The following ARHGAP35 variants were observed in gnomAD, a reference collection of about 807,000 sequenced individuals.
ARHGAP35 encodes the protein rho GTPase-activating protein 35.
In ARHGAP35, 15 loss-of-function variants were observed where a neutral mutation model predicts 111.1. That is an observed-to-expected ratio of 0.13 (90% CI 0.09 to 0.21). The LOEUF (loss-of-function observed/expected upper bound fraction) is 0.21. ARHGAP35 is among the 10% of genes least tolerant of loss of function. ARHGAP35 has a pLI of 1.00. For missense variants in ARHGAP35, 1,262 were observed against 1,873.0 expected (o/e 0.67, Z 6.02); for synonymous variants, 643 against 710.3 (o/e 0.91, Z 1.51).
In ARHGAP35 at chr19:46,959,666, C is replaced by T. The variant is rs369740238; in HGVS notation, c.3826+22258C>T. Among the ~76,000 whole-genome samples, 10 of 152,256 alleles carry T rather than the reference C, an allele frequency of 6.6e-5. No individual in the cohort carries two copies. In the East Asian group the frequency reaches 1.4e-3, roughly 21 times the overall value. ...CCACCCGCCTCAGCCTCCCAAAGTG[C>T]TGGGATTACAGGCGTGAGCCACTGC... On this transcript the variant is annotated intron_variant, in intron 3 of 6. Transcript: ENST00000672722.
intron 1 of ARHGAP35, among the ~76,000 whole-genome samples, chr19:46,916,646 A>ATT (rs59214975): frequency 0.06 from 9,063 of 151,372 alleles, 390 homozygotes; most frequent in East Asian, 0.17. Context: ...TACACACTTA[A>ATT]TTTTTTTTTA....
rs201142084 is a variant in ARHGAP35 at position 46,922,243 on chromosome 19, G to C, written c.3568G>C (p.Glu1190Gln). ...TGAGCTGGGGCCCATCCGGAAGAAA[G>C]AGGAGGATCAGGCATCCCAGGGTTA... Reference protein sequence around the residue: ...DDELGPIRKKEEDQASQGYKG... With the variant: ...DDELGPIRKKQEDQASQGYKG... Residue 1190 changes from glutamate (E) to glutamine (Q), a missense_variant, in exon 2 of 7, where the codon GAG becomes CAG. Around this residue, in one of 8 missense-constraint regions of ARHGAP35, gnomAD observed 579 missense variants for 716.9 expected, o/e 0.81. Coordinates refer to ENST00000672722, the MANE Select transcript of ARHGAP35 (RefSeq NM_004491.5). This position sits in a 1 kb window ranked among gnomAD's most constrained non-coding sequence, Gnocchi z 4.0. 2.5e-6 allele frequency: 4 copies of C among 1,613,900 alleles called. No individual in the cohort carries two copies. Among genetic ancestry groups the C allele is most frequent in the Non-Finnish European group, 3.4e-6 (4 of 1,179,918 alleles).
chr19:46,915,342 A>G (rs367560900), intron 1 of ARHGAP35, among the ~76,000 whole-genome samples: 2 of 152,246 alleles, frequency 1.3e-5, no homozygotes, highest in South Asian at 4.1e-4. Flanking sequence ...TCTGGAGGCA[A>G]TTGCCTACAG....
chr19:46,962,649 C>T (rs2056490969), intron 3 of ARHGAP35, among the ~76,000 whole-genome samples: 1 of 152,148 alleles, frequency 6.6e-6, no homozygotes, highest in African/African-American at 2.4e-5. Flanking sequence ...CTTTGTCGCC[C>T]AGGCTGGAGT....
chr19:46,867,776 GT>G (rs910553283), intron 1 of ARHGAP35, among the ~76,000 whole-genome samples: 18 of 146,390 alleles, frequency 1.2e-4, no homozygotes, highest in African/African-American at 3.0e-4. Context: ...TGTTGTTGTT[GT>G]TTTTTTTTTG....
At chr19:46,862,946 C>T (rs2055836925) in intron 1 of ARHGAP35, among the ~76,000 whole-genome samples, 1 of 152,016 alleles carries the variant, frequency 6.6e-6, no homozygotes, top group African/African-American at 2.4e-5. Context: ...CTATGTATTC[C>T]CCCCCACCTT....
intron 1 of ARHGAP35, among the ~76,000 whole-genome samples, chr19:46,916,701 C>T (rs1050031782): frequency 3.4e-5 from 5 of 149,106 alleles, no homozygotes. Flanking sequence ...AAAGGAATAT[C>T]CTATATGCTT....
intron 1 of ARHGAP35, among the ~76,000 whole-genome samples, chr19:46,869,874 C>T (rs996544421): frequency 1.5e-4 from 22 of 150,732 alleles, no homozygotes; most frequent in Admixed American, 1.4e-3. Context: ...TGCCTGTTAA[C>T]GTTGTAGGTA....
In ARHGAP35 at chr19:46,920,696, T is replaced by C; in HGVS notation, c.2021T>C (p.Val674Ala). Residue 674 changes from valine to alanine, a missense_variant, in exon 2 of 7, where the codon GTA (valine) becomes GCA (alanine). Coordinates refer to ENST00000672722, the MANE Select transcript of ARHGAP35 (RefSeq NM_004491.5). The surrounding 1 kb of genome is among the most constrained non-coding windows in gnomAD (Gnocchi z 7.0). ...LYNSKESLSY[V>A]VESIEKSRES... ...AATTCAAAGGAATCGCTATCCTATG[T>C]AGTGGAAAGTATAGAGAAGAGTAGA... The C allele has an allele frequency of 6.2e-7, 1 of 1,613,894 alleles. No individual in the cohort carries two copies. Among genetic ancestry groups the C allele is most frequent in the Non-Finnish European group, 8.5e-7 (1 of 1,179,850 alleles).
Position 46,861,141 on chromosome 19 carries a change from T to C in ARHGAP35, c.-257T>C, listed in dbSNP as rs1379415186. ...CCGCTGGACTAGGAGCAGGGGAACA[T>C]GGCGCCGGGGCCCCCGTCGTTGCTG... On this transcript the variant is annotated 5_prime_UTR_variant, in exon 1 of 7. The change abolishes an upstream ATG in the 5' untranslated region. Coordinates refer to ENST00000672722, the MANE Select transcript of ARHGAP35 (RefSeq NM_004491.5). Among the ~76,000 whole-genome samples, 1 of 151,136 alleles carries C rather than the reference T, an allele frequency of 6.6e-6. No homozygotes were observed. The highest frequency in any genetic ancestry group is 2.4e-5 in the African/African-American group (1 of 41,192).
intron 1 of ARHGAP35, among the ~76,000 whole-genome samples, chr19:46,904,682 A>G (rs1041579340): frequency 2.0e-5 from 3 of 152,156 alleles, no homozygotes; most frequent in Admixed American, 6.5e-5. Context: ...TGGCCTTTAC[A>G]TGGGAAGCGT....
intron 3 of ARHGAP35, among the ~76,000 whole-genome samples, chr19:46,941,993 G>A (rs1169265629): frequency 2.0e-5 from 3 of 151,142 alleles, no homozygotes; most frequent in Middle Eastern, 3.2e-3. Flanking sequence ...TCCCCTTGTT[G>A]GCATTAGTTT....
chr19:46,876,972 G>A (rs936903747), intron 1 of ARHGAP35, among the ~76,000 whole-genome samples: 6 of 152,248 alleles, frequency 3.9e-5, no homozygotes, highest in African/African-American at 9.6e-5. Context: ...AGTTTTGGCC[G>A]GGCGCAGTGG....
chr19:46,940,146 G>A (rs544162627), intron 3 of ARHGAP35, among the ~76,000 whole-genome samples: 67 of 152,150 alleles, frequency 4.4e-4, no homozygotes, highest in African/African-American at 1.6e-3. Flanking sequence ...TGAGGCGGAA[G>A]ATCAGGAATT....
rs150286068 is a variant in ARHGAP35, at chr19:46,988,645, A to C, written c.3904+579A>C. On this transcript the variant is annotated intron_variant, in intron 4 of 6. Transcript: ENST00000672722. The surrounding 1 kb of genome is among the most constrained non-coding windows in gnomAD (Gnocchi z 5.4). ...CTCTTGGAATTGCCCACACTGTGGG[A>C]TGAGAAGCCACGTCCCCCAGTGCCA... The C allele has an allele frequency of 6.0e-3, 929 of 154,788 alleles. 5 individuals carry two copies. The highest frequency in any genetic ancestry group is 0.02 in the South Asian group (99 of 5,012). 9.6% of individuals were successfully genotyped at this position (154,788 alleles called of 1,614,324 possible). A position where few individuals can be genotyped will look rare whatever the true frequency, so the allele number is the denominator to read the frequency against.
intron 1 of ARHGAP35, among the ~76,000 whole-genome samples, chr19:46,910,498 G>A (rs911725383): frequency 1.3e-5 from 2 of 151,188 alleles, no homozygotes; most frequent in African/African-American, 4.9e-5. Flanking sequence ...CACCATGTTG[G>A]CCAGGCTGGT....
intron 1 of ARHGAP35, among the ~76,000 whole-genome samples, chr19:46,913,462 G>C (rs1414386928): frequency 2.0e-5 from 3 of 151,996 alleles, no homozygotes; most frequent in Non-Finnish European, 4.4e-5. Context: ...TGTTAAAAAA[G>C]AAAACACCCT....
At chr19:46,893,980 C>G (rs953010464) in intron 1 of ARHGAP35, among the ~76,000 whole-genome samples, 1 of 149,702 alleles carries the variant, frequency 6.7e-6, no homozygotes, top group Non-Finnish European at 1.5e-5. Flanking sequence ...CAGGGAAAAA[C>G]CAAACTTCTC....
intron 3 of ARHGAP35, among the ~76,000 whole-genome samples, chr19:46,985,690 T>C (rs1345462961): frequency 6.6e-6 from 1 of 152,164 alleles, no homozygotes; most frequent in East Asian, 1.9e-4. Context: ...ACCACTCTGA[T>C]ATGGAAAGTG....
Sources: allele counts gnomAD v4.1 joint callset (sites outside exome capture counted in the v4.1 genomes callset), GRCh38; gene constraint gnomAD v4.1.1; regional missense constraint gnomAD v4.1.1; non-coding constraint Gnocchi (gnomAD v3.1); transcripts MANE v1.5; gene names NCBI Gene and HGNC (gene_info 2026-07-23, HGNC 2026-07-21).